Variants in PPARGC1A observed in about 807,000 individuals in gnomAD.
The protein encoded by PPARGC1A is peroxisome proliferator-activated receptor gamma coactivator 1-alpha.
Under a neutral mutation model 88.7 loss-of-function variants are expected in PPARGC1A, and 25 were observed. The observed-to-expected ratio is 0.28, with a 90% CI of 0.21 to 0.39. The LOEUF (loss-of-function observed/expected upper bound fraction) is 0.39, where lower values mean the gene tolerates loss of function less well. Ranked by LOEUF, PPARGC1A falls within the 10% of genes least tolerant of loss-of-function variation. The probability of loss-of-function intolerance (pLI) is 1.00; values close to 1 mark genes in which losing one functional copy is unlikely to be tolerated. For missense variants in PPARGC1A, 880 were observed against 968.7 expected (o/e 0.91, Z 1.22); for synonymous variants, 363 against 355.6 (o/e 1.02, Z -0.24).
At chr4:23,943,343 C>G in the PPARGC1A span, among the ~76,000 whole-genome samples, 1 of 150,246 alleles carries the variant, frequency 6.7e-6, no homozygotes, top group South Asian at 2.1e-4. Context: ...ATAGGTTTTG[C>G]CTTTGTAGAA....
chr4:23,800,665 G>T (rs1282067678), intron 12 of PPARGC1A, among the ~76,000 whole-genome samples: 1 of 151,306 alleles, frequency 6.6e-6, no homozygotes, highest in Non-Finnish European at 1.5e-5. Flanking sequence ...CAAAATACTG[G>T]AAGGCAAATC....
At chr4:24,244,057 C>T in the PPARGC1A span, among the ~76,000 whole-genome samples, 19 of 152,254 alleles carry the variant, frequency 1.2e-4, no homozygotes, top group East Asian at 3.5e-3. Flanking sequence ...AATGAATTGT[C>T]CACACCTCCC....
At chr4:24,393,381 C>T in the PPARGC1A span, among the ~76,000 whole-genome samples, 111 of 152,316 alleles carry the variant, frequency 7.3e-4, no homozygotes, top group Non-Finnish European at 1.3e-3. Flanking sequence ...ACGGCCCCTT[C>T]CTGTAAAAGG....
chr4:24,399,698 T>C, the PPARGC1A span, among the ~76,000 whole-genome samples: 1 of 152,180 alleles, frequency 6.6e-6, no homozygotes, highest in East Asian at 1.9e-4. Context: ...CCAGACAATA[T>C]TTTGGAAATG....
At chr4:23,839,875 G>T (rs1053278450) in intron 2 of PPARGC1A, among the ~76,000 whole-genome samples, 1 of 151,820 alleles carries the variant, frequency 6.6e-6, no homozygotes, top group Non-Finnish European at 1.5e-5. Flanking sequence ...TCACTATCAC[G>T]ACAACAGCAC....
the PPARGC1A span, among the ~76,000 whole-genome samples, chr4:24,166,625 G>A: frequency 6.6e-6 from 1 of 152,110 alleles, no homozygotes; most frequent in Non-Finnish European, 1.5e-5. Context: ...CCAAGATAAG[G>A]GAGTAAGCAA....
At chr4:24,294,813 C>T in the PPARGC1A span, among the ~76,000 whole-genome samples, 15 of 152,200 alleles carry the variant, frequency 9.9e-5, no homozygotes, top group Admixed American at 6.5e-4. Context: ...AAGGAGCTCC[C>T]AGTTCTTCCA....
At chr4:23,880,643 C>G (rs1031907819) in intron 2 of PPARGC1A, 3 of 152,172 alleles carry the variant, frequency 2.0e-5, no homozygotes, top group Non-Finnish European at 2.9e-5. Flanking sequence ...ACTAGAATAA[C>G]CAAGTAGCCT....
chr4:24,360,311 A>C, the PPARGC1A span, among the ~76,000 whole-genome samples: 3 of 152,180 alleles, frequency 2.0e-5, no homozygotes, highest in Non-Finnish European at 2.9e-5. Context: ...ACTGCAGAAT[A>C]AAATCCAAAC....
chr4:24,076,878 T>C, the PPARGC1A span, among the ~76,000 whole-genome samples: 1 of 152,182 alleles, frequency 6.6e-6, no homozygotes, highest in Admixed American at 6.5e-5. Context: ...ATTCAACATT[T>C]ATGTTATTAT....
the PPARGC1A span, among the ~76,000 whole-genome samples, chr4:24,360,198 C>A: frequency 5.2e-4 from 79 of 152,300 alleles, no homozygotes; most frequent in African/African-American, 1.9e-3. Context: ...GGTCTCCCTA[C>A]CACCACCCGT....
the PPARGC1A span, among the ~76,000 whole-genome samples, chr4:24,043,347 T>C: frequency 2.6e-5 from 4 of 152,146 alleles, no homozygotes; most frequent in African/African-American, 9.7e-5. Context: ...CGAGTGCTCT[T>C]CATGCCCTAC....
rs1378898160 is a variant in PPARGC1A at position 23,889,901 on chromosome 4, C to T, written c.54+3G>A. 1.9e-6 allele frequency: 3 copies of T among 1,613,344 alleles called. No homozygotes were observed. Among genetic ancestry groups the T allele is most frequent in the Non-Finnish European group, 1.7e-6 (2 of 1,179,652 alleles). On this transcript the variant is annotated splice_donor_region_variant and intron_variant, in intron 1 of 12. Coordinates refer to ENST00000264867, the MANE Select transcript of PPARGC1A (RefSeq NM_013261.5). The stretch of plus-strand genomic sequence containing the variant: ...TGCAGCGCCGAGCCCTGCCCCAGCT[C>T]ACCTCGATGTCACTCCATACAGACT...
upstream of PPARGC1A, among the ~76,000 whole-genome samples, chr4:23,908,557 AAT>A (rs1720344754): frequency 2.0e-5 from 3 of 152,100 alleles, no homozygotes; most frequent in Non-Finnish European, 2.9e-5. Context: ...TATCCAGAGA[AAT>A]ATATCTCTTC....
the PPARGC1A span, among the ~76,000 whole-genome samples, chr4:24,393,415 C>G: frequency 1.3e-5 from 2 of 152,178 alleles, no homozygotes; most frequent in Non-Finnish European, 2.9e-5. Flanking sequence ...TAGACACAGG[C>G]ATATGAATAT....
the PPARGC1A span, among the ~76,000 whole-genome samples, chr4:24,092,678 A>T: frequency 6.6e-6 from 1 of 152,194 alleles, no homozygotes; most frequent in South Asian, 2.1e-4. Context: ...CTACCCATGG[A>T]TGTACTGCTT....
the PPARGC1A span, among the ~76,000 whole-genome samples, chr4:24,325,523 T>C: frequency 2.6e-3 from 396 of 152,262 alleles, 2 homozygotes; most frequent in African/African-American, 8.8e-3. Context: ...AAGGAATGCC[T>C]GCAGCCCAGG....
At chr4:24,075,418 C>T in the PPARGC1A span, among the ~76,000 whole-genome samples, 8 of 152,246 alleles carry the variant, frequency 5.3e-5, no homozygotes, top group Admixed American at 2.6e-4. Flanking sequence ...CTTTCATATC[C>T]AGAAATGTTC....
the PPARGC1A span, among the ~76,000 whole-genome samples, chr4:24,467,809 C>A: frequency 6.6e-6 from 1 of 152,134 alleles, no homozygotes; most frequent in African/African-American, 2.4e-5. Context: ...ACAGTCACTG[C>A]CTACTCTGAG....
Sources: allele counts gnomAD v4.1 joint callset (sites outside exome capture counted in the v4.1 genomes callset), GRCh38; gene constraint gnomAD v4.1.1; transcripts MANE v1.5; gene names NCBI Gene and HGNC (gene_info 2026-07-23, HGNC 2026-07-21).